Variants in STAM observed in about 807,000 individuals in gnomAD.
The protein encoded by STAM is signal transducing adapter molecule 1.
In STAM, 16 loss-of-function variants were observed where a neutral mutation model predicts 63.4. That is an observed-to-expected ratio of 0.25 (90% CI 0.17 to 0.38). The LOEUF (loss-of-function observed/expected upper bound fraction) is 0.38. Ranked by LOEUF, STAM falls within the 10% of genes least tolerant of loss-of-function variation. The probability of loss-of-function intolerance (pLI) is 1.00; values close to 1 mark genes in which losing one functional copy is unlikely to be tolerated. For missense variants in STAM, 636 were observed against 657.1 expected, an observed-to-expected ratio of 0.97 and a Z score of 0.35; for synonymous variants, 238 against 223.9, an observed-to-expected ratio of 1.06 and a Z score of -0.56.
rs782225193 is a variant in STAM, at chr10:17,705,720, A to C, written c.1188A>C (p.Ser396=). ...KLQNQPYYMQ[S]SGVSGSQVYA... is the part of the protein sequence containing the mutation. ...AGAATCAGCCATATTATATGCAGTC[A>C]TCTGGTGTTTCTGGTTCTCAGGTAA... is the stretch of plus-strand genomic sequence containing the variant. The change falls in exon 12 of 14, where the codon TCA becomes TCC. Residue 396 remains serine (S), a synonymous_variant. Transcript: ENST00000377524. The C allele has an allele frequency of 6.2e-7, 1 of 1,612,278 alleles. No individual in the cohort carries two copies. Among genetic ancestry groups the C allele is most frequent in the Admixed American group, 1.7e-5 (1 of 59,692 alleles).
At chr10:17,703,023 A>AAAAAAAAAAAG (rs1554828727) in intron 9 of STAM, among the ~76,000 whole-genome samples, 9 of 114,212 alleles carry the variant, frequency 7.9e-5, no homozygotes, top group African/African-American at 2.8e-4. Flanking sequence ...AAAAAAAAAA[A>AAAAAAAAAAAG]AAAAGAAAAG....
At chr10:17,691,668 C>T (rs1942843655) in intron 5 of STAM, among the ~76,000 whole-genome samples, 1 of 152,176 alleles carries the variant, frequency 6.6e-6, no homozygotes, top group African/African-American at 2.4e-5. Context: ...TATTTAGGCA[C>T]ATTCCCTCAG....
chr10:17,670,314 G>C (rs1177252863), intron 2 of STAM, among the ~76,000 whole-genome samples: 3 of 152,148 alleles, frequency 2.0e-5, no homozygotes, highest in Admixed American at 6.5e-5. Flanking sequence ...TGTTGTGCTT[G>C]TTTTGCAGAT....
intron 1 of STAM, among the ~76,000 whole-genome samples, chr10:17,645,537 A>T (rs1833486142): frequency 6.6e-6 from 1 of 152,154 alleles, no homozygotes; most frequent in Non-Finnish European, 1.5e-5. Context: ...AAGAGGGGAA[A>T]ACACATCATT....
intron 12 of STAM, among the ~76,000 whole-genome samples, chr10:17,707,148 A>G (rs1021469559): frequency 2.0e-5 from 3 of 151,934 alleles, no homozygotes; most frequent in Admixed American, 6.6e-5. Context: ...GGTGGCTCAT[A>G]CCTGTAATCC....
intron 1 of STAM, among the ~76,000 whole-genome samples, chr10:17,658,063 T>A (rs1354972637): frequency 2.0e-5 from 3 of 152,106 alleles, no homozygotes; most frequent in Non-Finnish European, 4.4e-5. Flanking sequence ...CTTATTGATT[T>A]TAGATCTTGA....
At chr10:17,651,821 G>C (rs1340750281) in intron 1 of STAM, among the ~76,000 whole-genome samples, 1 of 151,818 alleles carries the variant, frequency 6.6e-6, no homozygotes, top group Admixed American at 6.6e-5. Context: ...TTACATCTTC[G>C]GGCTGACTGA....
At chr10:17,678,012 T>G (rs1249139937) in intron 2 of STAM, among the ~76,000 whole-genome samples, 1 of 152,228 alleles carries the variant, frequency 6.6e-6, no homozygotes, top group Non-Finnish European at 1.5e-5. Context: ...TTTACCATTT[T>G]AGAATATACA....
chr10:17,678,605 A>G (rs1432629061), intron 2 of STAM, among the ~76,000 whole-genome samples: 3 of 152,152 alleles, frequency 2.0e-5, no homozygotes, highest in African/African-American at 7.2e-5. Flanking sequence ...TTGTATTAGT[A>G]CTTATTTTAT....
At chr10:17,651,064 C>CAAAA (rs10606057) in intron 1 of STAM, among the ~76,000 whole-genome samples, 5 of 55,768 alleles carry the variant, frequency 9.0e-5, no homozygotes, top group Non-Finnish European at 1.3e-4. Context: ...GAGTCCGTCT[C>CAAAA]AAAAAAAAAA....
chr10:17,650,316 T>C (rs1282747856), intron 1 of STAM, among the ~76,000 whole-genome samples: 1 of 152,222 alleles, frequency 6.6e-6, no homozygotes, highest in African/African-American at 2.4e-5. Flanking sequence ...GATAGCAATA[T>C]CCATTATACA....
chr10:17,673,861 A>G (rs1834740940), intron 2 of STAM, among the ~76,000 whole-genome samples: 1 of 152,204 alleles, frequency 6.6e-6, no homozygotes, highest in South Asian at 2.1e-4. Flanking sequence ...TTAGTTCAAT[A>G]TTTGAGTTTG....
intron 10 of STAM, 108 bp downstream of exon 10, chr10:17,704,626 C>T: frequency 1.0e-6 from 1 of 957,708 alleles, no homozygotes; most frequent in East Asian, 2.5e-5. Context: ...GAACATTTCT[C>T]ACTTCTCCTT....
intron 5 of STAM, among the ~76,000 whole-genome samples, chr10:17,690,027 A>G (rs1835463094): frequency 6.6e-6 from 1 of 152,206 alleles, no homozygotes; most frequent in African/African-American, 2.4e-5. Flanking sequence ...TGTTTGGTTA[A>G]TCTAGAATCT....
Position 17,695,035 on chromosome 10 carries a change from T to G in STAM, c.536-14T>G. ...AATAACATTTTGGGTCTTTAAAAAC[T>G]CATTGTTTTCTAGCCATTGAGTTGT... On this transcript the variant is annotated splice_polypyrimidine_tract_variant and intron_variant, in intron 6 of 13. Coordinates refer to ENST00000377524, the MANE Select transcript of STAM (RefSeq NM_003473.4). 1 of 1,610,024 alleles carries G rather than the reference T, an allele frequency of 6.2e-7. No homozygotes were observed. Among genetic ancestry groups the G allele is most frequent in the South Asian group, 1.1e-5 (1 of 90,254 alleles).
chr10:17,700,778 A>T (rs1835960093), intron 9 of STAM, among the ~76,000 whole-genome samples: 1 of 150,938 alleles, frequency 6.6e-6, no homozygotes, highest in Non-Finnish European at 1.5e-5. Flanking sequence ...CAACAAGGAT[A>T]TTAAGATTGT....
chr10:17,664,515 T>C (rs1554823207), intron 2 of STAM, among the ~76,000 whole-genome samples: 1 of 152,110 alleles, frequency 6.6e-6, no homozygotes, highest in African/African-American at 2.4e-5. Context: ...CTTATAGAAA[T>C]CTGGTTTATG....
At position 17,708,727 on chromosome 10, in the gene STAM, G is replaced by A. The variant is rs782501849; in HGVS notation, c.1210-49G>A. On this transcript the variant is annotated intron_variant, in intron 12 of 13. Transcript: ENST00000377524. Reference sequence around the variant, plus strand: ...TACCTCTACAGAGAAAGTTCAGTATGCTTATTAAAATTTTAGAATTGAATA... The same window carrying A: ...TACCTCTACAGAGAAAGTTCAGTATACTTATTAAAATTTTAGAATTGAATA... The A allele has an allele frequency of 3.9e-6, 6 of 1,524,264 alleles. No homozygotes were observed. In the Admixed American group the frequency reaches 7.3e-5, roughly 19 times the overall value. The allele number at this position is 1,524,264 out of a possible 1,614,324, so 94.4% of individuals were successfully genotyped here.
chr10:17,704,229 A>G (rs925292672), intron 9 of STAM, among the ~76,000 whole-genome samples: 1 of 152,130 alleles, frequency 6.6e-6, no homozygotes, highest in Non-Finnish European at 1.5e-5. Context: ...AGCAGTTTCA[A>G]AAATATATAG....
Sources: allele counts gnomAD v4.1 joint callset (sites outside exome capture counted in the v4.1 genomes callset), GRCh38; gene constraint gnomAD v4.1.1; transcripts MANE v1.5; gene names NCBI Gene and HGNC (gene_info 2026-07-23, HGNC 2026-07-21).